DPP10: variants seen among roughly 807,000 people sequenced by gnomAD.
The protein encoded by DPP10 is dipeptidyl peptidase like 10.
Under a neutral mutation model 120.9 loss-of-function variants are expected in DPP10, and 33 were observed. The ratio of observed to expected loss-of-function variants is 0.27; its 90% CI spans 0.21 to 0.37. The LOEUF (loss-of-function observed/expected upper bound fraction) is 0.37. Among genes scored for constraint, DPP10 ranks in the 10% least tolerant of loss-of-function variants. DPP10 has a pLI of 1.00. For synonymous variants in DPP10, 337 were observed against 326.1 expected, an observed-to-expected ratio of 1.03 and a Z score of -0.36; for missense variants, 816 against 942.8, an observed-to-expected ratio of 0.87 and a Z score of 1.76.
chr2:115,114,765 C>A (rs2049411982), intron 1 of DPP10, among the ~76,000 whole-genome samples: 1 of 151,962 alleles, frequency 6.6e-6, no homozygotes, highest in Non-Finnish European at 1.5e-5. Flanking sequence ...GTAAGAAATA[C>A]TAGAATTAGT....
At chr2:114,702,246 C>T (rs1041575907) in intron 1 of DPP10, among the ~76,000 whole-genome samples, 2 of 152,038 alleles carry the variant, frequency 1.3e-5, no homozygotes, top group Non-Finnish European at 1.5e-5. Context: ...TCACTTCAAC[C>T]AGGGGGGCAT....
intron 2 of DPP10, among the ~76,000 whole-genome samples, chr2:115,320,387 T>C (rs2062000948): frequency 6.6e-6 from 1 of 152,136 alleles, no homozygotes; most frequent in Non-Finnish European, 1.5e-5. Flanking sequence ...TCCATTTGTT[T>C]TCTGTTTGTC....
intron 1 of DPP10, among the ~76,000 whole-genome samples, chr2:115,079,365 C>CA (rs1237218322): frequency 5.6e-5 from 3 of 54,054 alleles, no homozygotes; most frequent in African/African-American, 8.6e-5. Flanking sequence ...GACTCCGTCT[C>CA]AAAAAACAAA....
At chr2:115,153,897 C>T (rs959302022) in intron 1 of DPP10, among the ~76,000 whole-genome samples, 4 of 152,092 alleles carry the variant, frequency 2.6e-5, no homozygotes, top group Non-Finnish European at 5.9e-5. Context: ...CTTTCTATAA[C>T]ATTCTGTATC....
chr2:115,109,534 C>CAAA (rs58100881), intron 1 of DPP10, among the ~76,000 whole-genome samples: 24 of 139,516 alleles, frequency 1.7e-4, no homozygotes, highest in East Asian at 6.3e-4. Flanking sequence ...GACTCCGTCT[C>CAAA]AAAAAAAAAA....
At chr2:115,001,090 C>A (rs1320329645) in intron 1 of DPP10, among the ~76,000 whole-genome samples, 3 of 152,180 alleles carry the variant, frequency 2.0e-5, no homozygotes, top group African/African-American at 4.8e-5. Flanking sequence ...ACCTGTAACA[C>A]TCTCTATAGA....
At chr2:114,497,341 A>G (rs1415744687) in intron 1 of DPP10, among the ~76,000 whole-genome samples, 30 of 20,724 alleles carry the variant, frequency 1.4e-3, no homozygotes, top group African/African-American at 3.8e-3. Context: ...ACATGTACAT[A>G]TACATACACA....
At position 115,071,609 on chromosome 2, in the gene DPP10, T is replaced by C. The variant is rs573612084; in HGVS notation, c.61-237630T>C. ...TGTTCCTTCCTTGCCTGAAGGTTAATTTCCCTAGGGAGGAACTCAGAAGTG... is the reference window on the plus strand; with the variant it reads ...TGTTCCTTCCTTGCCTGAAGGTTAACTTCCCTAGGGAGGAACTCAGAAGTG... On this transcript the variant is annotated intron_variant, in intron 1 of 25. Coordinates refer to ENST00000410059, the MANE Select transcript of DPP10 (RefSeq NM_020868.6). Among the ~76,000 whole-genome samples, 12 of 152,222 alleles carry C rather than the reference T, an allele frequency of 7.9e-5. No homozygotes were observed. In the South Asian group the frequency reaches 2.5e-3, roughly 32 times the overall value.
rs1553505066 is a variant in DPP10 at position 115,166,529 on chromosome 2, A to AGAT, written c.61-142710_61-142709insGAT. ...TTATATAAATTTATAATATAAATAT[A>AGAT]TATATAAATTTATAATATAAATATA... On this transcript the variant is annotated intron_variant, in intron 1 of 25. Coordinates refer to ENST00000410059, the MANE Select transcript of DPP10 (RefSeq NM_020868.6). 2.6e-5 allele frequency among the ~76,000 whole-genome samples: 3 copies of AGAT among 115,166 alleles called. 1 individual carries two copies. The highest frequency in any genetic ancestry group is 3.8e-5 in the Non-Finnish European group (2 of 52,262). The allele number at this position is 115,166 out of a possible 152,430, so 75.6% of individuals were successfully genotyped here.
At chr2:115,463,117 T>C (rs1330012295) in intron 3 of DPP10, among the ~76,000 whole-genome samples, 1 of 152,174 alleles carries the variant, frequency 6.6e-6, no homozygotes, top group Non-Finnish European at 1.5e-5. Flanking sequence ...TGTGCCAGTG[T>C]CAACTGCATT....
intron 1 of DPP10, among the ~76,000 whole-genome samples, chr2:114,884,175 G>A (rs1195919191): frequency 6.6e-6 from 1 of 152,128 alleles, no homozygotes; most frequent in Non-Finnish European, 1.5e-5. Flanking sequence ...CTAGCACTAG[G>A]TGATGGCAAG....
rs145255026 is a variant in DPP10, at chr2:115,202,403, C to A, written c.61-106836C>A. Among the ~76,000 whole-genome samples the A allele has an allele frequency of 1.8e-3, 275 of 152,256 alleles. 1 individual carries two copies. The highest frequency in any genetic ancestry group is 6.2e-3 in the African/African-American group (257 of 41,542). On this transcript the variant is annotated intron_variant, in intron 1 of 25. Coordinates refer to ENST00000410059, the MANE Select transcript of DPP10 (RefSeq NM_020868.6). ...GGCTTTATGGAATTGAACATATTTTCAATTTGCTGATTAAACTCCCTGGGA... is the reference window on the plus strand; with the variant it reads ...GGCTTTATGGAATTGAACATATTTTAAATTTGCTGATTAAACTCCCTGGGA...
chr2:115,646,709 C>T (rs1222280606), intron 5 of DPP10, among the ~76,000 whole-genome samples: 3 of 152,122 alleles, frequency 2.0e-5, no homozygotes, highest in East Asian at 1.9e-4. Context: ...GCAGGTTAAA[C>T]AGACTGTTTT....
At chr2:114,573,828 A>G (rs1011019875) in intron 1 of DPP10, among the ~76,000 whole-genome samples, 9 of 152,308 alleles carry the variant, frequency 5.9e-5, no homozygotes, top group Admixed American at 3.3e-4. Context: ...AATATTAACT[A>G]AAAAGTAATT....
Position 115,479,887 on chromosome 2 carries a change from A to C in DPP10, c.272-19623A>C, listed in dbSNP as rs76888951. Among the ~76,000 whole-genome samples the C allele has an allele frequency of 1.5e-3, 222 of 152,282 alleles. 1 individual carries two copies. Among genetic ancestry groups the C allele is most frequent in the African/African-American group, 4.7e-3 (194 of 41,568 alleles). Reference sequence around the variant, plus strand: ...TTGTTAACTGACACTGACAAGGCTGAAAGAAGCAGTGGCATGCACCTTGCA... The same window carrying C: ...TTGTTAACTGACACTGACAAGGCTGCAAGAAGCAGTGGCATGCACCTTGCA... On this transcript the variant is annotated intron_variant, in intron 3 of 25. Coordinates refer to ENST00000410059, the MANE Select transcript of DPP10 (RefSeq NM_020868.6).
chr2:114,924,161 C>G (rs942984253), intron 1 of DPP10, among the ~76,000 whole-genome samples: 2 of 152,112 alleles, frequency 1.3e-5, no homozygotes, highest in Non-Finnish European at 2.9e-5. Context: ...ATGTGTTTTC[C>G]CTAAAACCAG....
In DPP10 at chr2:115,037,830, G is replaced by A. The variant is rs894467350; in HGVS notation, c.61-271409G>A. Among the ~76,000 whole-genome samples, 10 of 152,236 alleles carry A rather than the reference G, an allele frequency of 6.6e-5. No homozygotes were observed. In the East Asian group the frequency reaches 1.7e-3, roughly 26 times the overall value. On this transcript the variant is annotated intron_variant, in intron 1 of 25. Coordinates refer to ENST00000410059, the MANE Select transcript of DPP10 (RefSeq NM_020868.6). The stretch of plus-strand genomic sequence containing the variant: ...GAGTCTTTTAACTTGTCATCCAGTG[G>A]TTCACATGTACTTCAAAGTCTAAAG...
rs146777659 is a variant in DPP10 at position 115,457,724 on chromosome 2, A to G, written c.272-41786A>G. Among the ~76,000 whole-genome samples, 28 of 152,240 alleles carry G rather than the reference A, an allele frequency of 1.8e-4. No individual in the cohort carries two copies. In the East Asian group the frequency reaches 5.4e-3, roughly 29 times the overall value. On this transcript the variant is annotated intron_variant, in intron 3 of 25. Transcript: ENST00000410059. The stretch of plus-strand genomic sequence containing the variant: ...AGAACCTTTATGCATTGCTGGTGGA[A>G]ATACAACACTTGGGGAGACAACGTG...
intron 4 of DPP10, among the ~76,000 whole-genome samples, chr2:115,500,080 T>C (rs1868329): frequency 0.21 from 32,202 of 151,848 alleles, 3,922 homozygotes; most frequent in East Asian, 0.39. Context: ...ATTCTGTCAG[T>C]ACCATTTTAC....
Sources: allele counts gnomAD v4.1 joint callset (sites outside exome capture counted in the v4.1 genomes callset), GRCh38; gene constraint gnomAD v4.1.1; transcripts MANE v1.5; gene names NCBI Gene and HGNC (gene_info 2026-07-23, HGNC 2026-07-21).